The following UBE3C variants were observed in gnomAD, a reference collection of about 807,000 sequenced individuals.
The protein encoded by UBE3C is ubiquitin protein ligase E3C.
In UBE3C, 42 loss-of-function variants were observed where a neutral mutation model predicts 129.4. The observed-to-expected ratio is 0.32, with a 90% CI of 0.25 to 0.42. UBE3C has a LOEUF of 0.42. UBE3C is among the 10% of genes least tolerant of loss of function. The pLI, the probability that UBE3C is intolerant of heterozygous loss-of-function variation, is 1.00. For missense variants in UBE3C, 1,049 were observed against 1,319.1 expected, an observed-to-expected ratio of 0.80 and a Z score of 3.17; for synonymous variants, 510 against 492.4, an observed-to-expected ratio of 1.04 and a Z score of -0.47.
At chr7:157,174,889 A>G (rs1176374144) in intron 4 of UBE3C, 30 bp from the exon 5 acceptor site, 1 of 1,512,516 alleles carries the variant, frequency 6.6e-7, no homozygotes. Context: ...TTTCATTGAG[A>G]GTTGTATATT....
intron 1 of UBE3C, among the ~76,000 whole-genome samples, chr7:157,140,638 C>G (rs1357428485): frequency 6.6e-6 from 1 of 152,156 alleles, no homozygotes; most frequent in Non-Finnish European, 1.5e-5. Context: ...GAAGGAGTGC[C>G]CATTCACACA....
chr7:157,186,369 A>T (rs1808805862), intron 9 of UBE3C, among the ~76,000 whole-genome samples: 1 of 151,780 alleles, frequency 6.6e-6, no homozygotes, highest in African/African-American at 2.4e-5. Context: ...CAGTGAGCCG[A>T]GATTGTGCCA....
intron 18 of UBE3C, among the ~76,000 whole-genome samples, chr7:157,236,500 A>C (rs375104549): frequency 1.3e-5 from 2 of 152,182 alleles, no homozygotes; most frequent in African/African-American, 4.8e-5. Flanking sequence ...TTCAGTGTGC[A>C]TTTAATGTAT....
intron 1 of UBE3C, among the ~76,000 whole-genome samples, chr7:157,153,926 G>A (rs1269051586): frequency 6.6e-6 from 1 of 152,042 alleles, no homozygotes; most frequent in African/African-American, 2.4e-5. Context: ...GGGCGGGGGC[G>A]AGGTTGCAGT....
Position 157,201,827 on chromosome 7 carries a change from A to G in UBE3C, c.1418+20A>G. ...CACAGGGTATGTATTATACAGACTT[A>G]TAAATTGAGCTCAAGGGCACAGGAA... On this transcript the variant is annotated intron_variant, in intron 11 of 22. Transcript: ENST00000348165. The G allele has an allele frequency of 6.9e-6, 11 of 1,586,548 alleles. No individual in the cohort carries two copies. Among genetic ancestry groups the G allele is most frequent in the Non-Finnish European group, 9.4e-6 (11 of 1,164,650 alleles).
chr7:157,198,090 G>A (rs1011440355), intron 10 of UBE3C: 236 of 1,612,024 alleles, frequency 1.5e-4, no homozygotes, highest in Non-Finnish European at 1.7e-4. Context: ...CAGAAATTGA[G>A]CATTTGTTGG....
rs1296195988 is a variant in UBE3C, at chr7:157,183,928, T to C, written c.1042T>C (p.Phe348Leu). 9 of 1,614,100 alleles carry C rather than the reference T, an allele frequency of 5.6e-6. No individual in the cohort carries two copies. The highest frequency in any genetic ancestry group is 6.8e-6 in the Non-Finnish European group (8 of 1,180,044). Reference protein sequence around the residue: ...LLVYLRVLQTFLSQLPVSPAS... With the variant: ...LLVYLRVLQTLLSQLPVSPAS... ...GGTGTATTTGCGGGTGCTGCAGACC[T>C]TCCTCTCTCAGTTACCAGTCTCTCC... Residue 348 changes from phenylalanine (F) to leucine (L), a missense_variant, in exon 9 of 23, where the codon TTC becomes CTC. By Grantham distance (22) the Phe-to-Leu change is conservative. Transcript: ENST00000348165.
intron 19 of UBE3C, among the ~76,000 whole-genome samples, chr7:157,249,609 G>A (rs1041794209): frequency 4.6e-5 from 7 of 152,180 alleles, no homozygotes; most frequent in African/African-American, 1.7e-4. Flanking sequence ...CACCGTGGCC[G>A]GCACGACAGA....
chr7:157,177,259 G>A (rs111320647), intron 5 of UBE3C, among the ~76,000 whole-genome samples: 37 of 152,224 alleles, frequency 2.4e-4, no homozygotes, highest in African/African-American at 8.7e-4. Flanking sequence ...AATGATGACG[G>A]GTGTTTCTCA....
At position 157,146,273 on chromosome 7, in the gene UBE3C, G is replaced by A. The variant is rs935237528; in HGVS notation, c.66+6935G>A. 5.9e-5 allele frequency among the ~76,000 whole-genome samples: 9 copies of A among 151,262 alleles called. No homozygotes were observed. In the South Asian group the frequency reaches 1.5e-3, roughly 24 times the overall value. ...TTTTTTTTTTTTGAGACGAAGTCTCGCTCTGTCTCCCAGGCTGGAGTGCAG... is the reference window on the plus strand; with the variant it reads ...TTTTTTTTTTTTGAGACGAAGTCTCACTCTGTCTCCCAGGCTGGAGTGCAG... On this transcript the variant is annotated intron_variant, in intron 1 of 22. Transcript: ENST00000348165.
At chr7:157,263,491 C>T (rs1230223916) in intron 22 of UBE3C, among the ~76,000 whole-genome samples, 1 of 152,106 alleles carries the variant, frequency 6.6e-6, no homozygotes, top group South Asian at 2.1e-4. Context: ...TGGCGAAACC[C>T]CATCTCTACT....
intron 22 of UBE3C, among the ~76,000 whole-genome samples, chr7:157,258,971 T>C (rs1796828301): frequency 6.6e-6 from 1 of 152,244 alleles, no homozygotes; most frequent in Admixed American, 6.5e-5. Flanking sequence ...ACATGAGGTC[T>C]TCCCTAAATA....
chr7:157,235,128 T>C (rs1796121982), intron 18 of UBE3C, among the ~76,000 whole-genome samples: 1 of 152,094 alleles, frequency 6.6e-6, no homozygotes, highest in South Asian at 2.1e-4. Flanking sequence ...AGGCGGAGGT[T>C]GTGGTGAGCC....
At chr7:157,206,112 G>C (rs1025616801) in intron 11 of UBE3C, among the ~76,000 whole-genome samples, 3 of 151,642 alleles carry the variant, frequency 2.0e-5, no homozygotes, top group Non-Finnish European at 3.0e-5. Flanking sequence ...GATTTGACTT[G>C]GTAGAGGGGA....
At chr7:157,261,447 G>GT (rs112819804) in intron 22 of UBE3C, among the ~76,000 whole-genome samples, 6 of 151,556 alleles carry the variant, frequency 4.0e-5, no homozygotes, top group African/African-American at 1.2e-4. Flanking sequence ...CGGTCTTACT[G>GT]TTTTTTTTAT....
intron 12 of UBE3C, 67 bp from the exon 13 acceptor site, chr7:157,207,636 T>G: frequency 6.3e-7 from 1 of 1,586,386 alleles, no homozygotes; most frequent in Non-Finnish European, 8.5e-7. Flanking sequence ...TTTAAGCTTT[T>G]TAAGTCTTTC....
At chr7:157,264,152 T>G (rs1331591806) in intron 22 of UBE3C, among the ~76,000 whole-genome samples, 1 of 148,270 alleles carries the variant, frequency 6.7e-6, no homozygotes, top group Non-Finnish European at 1.5e-5. Context: ...CACCTGGTAT[T>G]ACAGGTGTGA....
At chr7:157,187,384 T>G (rs1459107129) in intron 10 of UBE3C, among the ~76,000 whole-genome samples, 4 of 150,660 alleles carry the variant, frequency 2.7e-5, no homozygotes, top group African/African-American at 9.8e-5. Context: ...TTATGGGGTT[T>G]TTTTTTTTCT....
intron 21 of UBE3C, 22 bp downstream of exon 21, chr7:157,254,332 T>C: frequency 1.4e-6 from 2 of 1,413,406 alleles, no homozygotes; most frequent in Non-Finnish European, 1.9e-6. Context: ...CTGCTAGTTA[T>C]TGTTTCTGAA....
Sources: gnomAD v4.1 joint callset for allele counts (sites outside exome capture counted in the v4.1 genomes callset) on GRCh38, gnomAD v4.1.1 for gene constraint, MANE v1.5 for transcripts, NCBI Gene and HGNC (gene_info 2026-07-23, HGNC 2026-07-21) for gene names.